Variants in FRRS1 observed in about 807,000 individuals in gnomAD.
FRRS1 encodes ferric reductase 1.
A neutral mutation model predicts 70.7 loss-of-function variants in FRRS1; 51 were observed. That is an observed-to-expected ratio of 0.72 (90% CI 0.58 to 0.91). The LOEUF is 0.91. FRRS1 is among the 40% of genes least tolerant of loss of function. The pLI is 0.00. For missense variants in FRRS1, 672 were observed against 726.0 expected, an observed-to-expected ratio of 0.93 and a Z score of 0.86; for synonymous variants, 225 against 238.7, an observed-to-expected ratio of 0.94 and a Z score of 0.53.
intron 5 of FRRS1, among the ~76,000 whole-genome samples, chr1:99,741,528 G>A (rs1655960588): frequency 6.6e-6 from 1 of 152,146 alleles, no homozygotes. Flanking sequence ...ATCATTAGAT[G>A]GCATTATAAC....
chr1:99,733,734 T>C (rs1655512365), intron 7 of FRRS1, among the ~76,000 whole-genome samples: 1 of 152,224 alleles, frequency 6.6e-6, no homozygotes, highest in South Asian at 2.1e-4. Flanking sequence ...AATAAGTAAG[T>C]TAGAAGATCA....
At chr1:99,717,975 A>C (rs1654616090) in intron 10 of FRRS1, among the ~76,000 whole-genome samples, 1 of 152,074 alleles carries the variant, frequency 6.6e-6, no homozygotes, top group African/African-American at 2.4e-5. Context: ...CTCACATCTC[A>C]CTCCAAAAGG....
chr1:99,747,544 G>A, intron 3 of FRRS1, 114 bp from the exon 4 acceptor site: 5 of 964,082 alleles, frequency 5.2e-6, no homozygotes, highest in East Asian at 2.5e-5. Flanking sequence ...TACTCCTGGA[G>A]AGAAAACAGT....
intron 1 of FRRS1, 90 bp downstream of exon 1, chr1:99,766,517 C>A (rs1412112734): frequency 6.6e-6 from 1 of 152,178 alleles, no homozygotes; most frequent in South Asian, 2.1e-4. Flanking sequence ...TCAGCACAGG[C>A]ACTCGCTCTC....
chr1:99,717,197 G>A (rs1654571514), intron 11 of FRRS1, among the ~76,000 whole-genome samples: 1 of 152,080 alleles, frequency 6.6e-6, no homozygotes, highest in Non-Finnish European at 1.5e-5. Context: ...CTCCAGTCCA[G>A]CCTGACTCTT....
Position 99,708,048 on chromosome 1 carries a change from T to C in FRRS1, c.*980A>G, listed in dbSNP as rs1219440891. 2.0e-5 allele frequency among the ~76,000 whole-genome samples: 3 copies of C among 152,230 alleles called. No homozygotes were observed. The highest frequency in any genetic ancestry group is 6.5e-5 in the Admixed American group (1 of 15,288). Reference sequence around the variant, plus strand: ...TCATCTCTGTAGCTGAATACATAAATAGTATCTTTAAGTAAAAGATGCATA... The same window carrying C: ...TCATCTCTGTAGCTGAATACATAAACAGTATCTTTAAGTAAAAGATGCATA... On this transcript the variant is annotated 3_prime_UTR_variant, in exon 17 of 17. Coordinates refer to ENST00000646001, the MANE Select transcript of FRRS1 (RefSeq NM_001361041.2).
Position 99,719,539 on chromosome 1 carries a change from A to G in FRRS1, c.1115T>C (p.Val372Ala). 1 of 1,534,742 alleles carries G rather than the reference A, an allele frequency of 6.5e-7. No homozygotes were observed. Residue 372 changes from valine (V) to alanine (A), a missense_variant, in exon 10 of 17, where the codon GTT becomes GCT. Physicochemically the swap from Val to Ala is moderately conservative, Grantham distance 64. Transcript: ENST00000646001. The part of the protein sequence containing the change: ...GGSHSVLLLK[V>A]HGALMFVAWM... ...TAGTTACACATGTAACCTACCATGA[A>G]CCTTCAGAAGGAGTACAGAATGGGA...
intron 6 of FRRS1, among the ~76,000 whole-genome samples, chr1:99,739,598 T>G (rs999883703): frequency 6.6e-6 from 1 of 152,146 alleles, no homozygotes; most frequent in South Asian, 2.1e-4. Flanking sequence ...GTCTTCTCTA[T>G]GTGAATAAAA....
intron 9 of FRRS1, among the ~76,000 whole-genome samples, chr1:99,726,984 G>A (rs1323100995): frequency 1.3e-4 from 20 of 152,162 alleles, no homozygotes; most frequent in Non-Finnish European, 2.9e-4. Flanking sequence ...CAAAGTGCTG[G>A]GATTATAGGC....
intron 9 of FRRS1, among the ~76,000 whole-genome samples, chr1:99,725,748 C>T (rs1403271174): frequency 6.6e-6 from 1 of 152,206 alleles, no homozygotes; most frequent in Non-Finnish European, 1.5e-5. Context: ...TTAGAACTAT[C>T]ACTTAAAAGA....
intron 11 of FRRS1, 75 bp from the exon 12 acceptor site, chr1:99,715,747 G>C: frequency 1.0e-6 from 1 of 965,068 alleles, no homozygotes; most frequent in Non-Finnish European, 1.7e-6. Flanking sequence ...GGGGAAAATG[G>C]GGAAAAGACT....
In FRRS1 at chr1:99,717,442, C is replaced by A; in HGVS notation, c.1204G>T (p.Ala402Ser). Reference protein sequence around the residue: ...ARFFKPVWSKAFLLGEAAWFQ... With the variant: ...ARFFKPVWSKSFLLGEAAWFQ... ...CAAGCTGCTTCACCAAGCAAGAAAG[C>A]TTTTGACCAAACTGGCTTGAAGAAC... The change falls in exon 11 of 17, where the codon GCT (alanine) becomes TCT (serine). Residue 402 changes from alanine (A) to serine (S), a missense_variant. Coordinates refer to ENST00000646001, the MANE Select transcript of FRRS1 (RefSeq NM_001361041.2). 1 of 1,614,120 alleles carries A rather than the reference C, an allele frequency of 6.2e-7. No homozygotes were observed. Among genetic ancestry groups the A allele is most frequent in the Non-Finnish European group, 8.5e-7 (1 of 1,179,958 alleles).
intron 9 of FRRS1, 38 bp from the exon 10 acceptor site, chr1:99,719,685 A>G (rs781142370): frequency 9.3e-7 from 1 of 1,071,250 alleles, no homozygotes; most frequent in South Asian, 1.3e-5. Flanking sequence ...GACAAAGAAT[A>G]ATTACTTCCT....
chr1:99,719,500 T>G, intron 10 of FRRS1, 34 bp downstream of exon 10: 1 of 1,110,702 alleles, frequency 9.0e-7, no homozygotes, highest in Non-Finnish European at 1.4e-6. Flanking sequence ...AGCAGGTAAG[T>G]TGATTCCACA....
chr1:99,715,748 G>C, intron 11 of FRRS1, 76 bp from the exon 12 acceptor site: 1 of 955,396 alleles, frequency 1.0e-6, no homozygotes, highest in Non-Finnish European at 1.7e-6. Flanking sequence ...GGGAAAATGG[G>C]GAAAAGACTA....
chr1:99,715,181 A>G (rs1164058224), intron 12 of FRRS1, among the ~76,000 whole-genome samples: 1 of 152,174 alleles, frequency 6.6e-6, no homozygotes, highest in Non-Finnish European at 1.5e-5. Context: ...GATAACACAT[A>G]TAAAGCACTT....
intron 4 of FRRS1, among the ~76,000 whole-genome samples, chr1:99,745,623 G>A (rs1656216795): frequency 6.6e-6 from 1 of 152,276 alleles, no homozygotes; most frequent in South Asian, 2.1e-4. Context: ...GGCAAAGGCT[G>A]CAGTGAGCTG....
intron 6 of FRRS1, 134 bp downstream of exon 6, chr1:99,740,659 A>G: frequency 4.5e-6 from 3 of 662,664 alleles, no homozygotes; most frequent in Admixed American, 2.4e-5. Context: ...AGCTGGGCAC[A>G]GTGGCTCACA....
chr1:99,714,703 T>G (rs996520223), intron 12 of FRRS1, among the ~76,000 whole-genome samples: 1 of 152,280 alleles, frequency 6.6e-6, no homozygotes, highest in African/African-American at 2.4e-5. Context: ...GGATTTGACA[T>G]GGGATGTGCA....
Sources: allele counts gnomAD v4.1 joint callset (sites outside exome capture counted in the v4.1 genomes callset), GRCh38; gene constraint gnomAD v4.1.1; transcripts MANE v1.5; gene names NCBI Gene and HGNC (gene_info 2026-07-23, HGNC 2026-07-21).